Variants in THBS4 observed in about 807,000 individuals in gnomAD.
THBS4 encodes thrombospondin 4.
THBS4 carries 90 observed loss-of-function variants against 115.7 expected under a neutral mutation model. The observed-to-expected ratio is 0.78, with a 90% CI of 0.66 to 0.93. The LOEUF (loss-of-function observed/expected upper bound fraction) is 0.93, where lower values mean the gene tolerates loss of function less well. Among genes scored for constraint, THBS4 ranks in the 40% least tolerant of loss-of-function variants. The pLI is 0.00. For missense variants in THBS4, 1,087 were observed against 1,232.7 expected, an observed-to-expected ratio of 0.88 and a Z score of 1.77; for synonymous variants, 460 against 479.3, an observed-to-expected ratio of 0.96 and a Z score of 0.53.
intron 3 of THBS4, among the ~76,000 whole-genome samples, chr5:80,057,118 T>A (rs1833458766): frequency 2.0e-5 from 3 of 152,120 alleles, no homozygotes; most frequent in African/African-American, 7.2e-5. Flanking sequence ...TGGAAAAAAA[T>A]TAATAGAAAG....
chr5:80,071,737 G>A (rs1834068367), intron 13 of THBS4: 3 of 164,926 alleles, frequency 1.8e-5, no homozygotes, highest in Admixed American at 1.7e-4. Flanking sequence ...CTCACCTTCT[G>A]CAAGCCTAAC....
intron 8 of THBS4, among the ~76,000 whole-genome samples, chr5:80,064,211 A>G (rs1833732863): frequency 6.6e-6 from 1 of 152,250 alleles, no homozygotes; most frequent in Admixed American, 6.5e-5. Flanking sequence ...CACTTGTACC[A>G]CATACAGTTA....
intron 2 of THBS4, among the ~76,000 whole-genome samples, chr5:80,049,893 A>G (rs547061372): frequency 1.3e-5 from 2 of 152,228 alleles, no homozygotes; most frequent in Non-Finnish European, 2.9e-5. Flanking sequence ...GTCCGTGCAG[A>G]AAGAGACCTA....
intron 19 of THBS4, 59 bp downstream of exon 19, chr5:80,079,317 G>T: frequency 6.7e-7 from 1 of 1,503,432 alleles, no homozygotes; most frequent in East Asian, 2.3e-5. Flanking sequence ...TCTTTTTTCA[G>T]ATATTGTGTT....
chr5:80,024,817 C>T (rs188079491), intron 2 of THBS4, among the ~76,000 whole-genome samples: 67 of 152,306 alleles, frequency 4.4e-4, no homozygotes, highest in Non-Finnish European at 7.2e-4. Context: ...CCTCAATTCA[C>T]GTAGTGTGCC....
intron 2 of THBS4, among the ~76,000 whole-genome samples, chr5:80,023,275 G>C (rs906049400): frequency 6.6e-6 from 1 of 152,114 alleles, no homozygotes; most frequent in South Asian, 2.1e-4. Flanking sequence ...ATACCTAGCT[G>C]TACCTGCATA....
chr5:80,076,956 A>T lies in THBS4; in HGVS notation c.1994A>T (p.Asp665Val). 6.2e-7 allele frequency: 1 copy of T among 1,613,914 alleles called. No homozygotes were observed. The highest frequency in any genetic ancestry group is 8.5e-7 in the Non-Finnish European group (1 of 1,179,944). Residue 665 changes from aspartate (D) to valine (V), a missense_variant, in exon 16 of 22, where the codon GAT becomes GTT. Transcript: ENST00000350881. ...GATGGAATTGGTGACGAGTGTGATG[A>T]TGATGATGACAATGATGGTATCCCA... Reference protein sequence around the residue: ...DKDGIGDECDDDDDNDGIPDL... With the variant: ...DKDGIGDECDVDDDNDGIPDL...
At position 80,073,316 on chromosome 5, in the gene THBS4, C is replaced by A; in HGVS notation, c.1881C>A (p.Thr627=). The part of the protein sequence containing the change: ...DNDLVGDSCD[T]NQDSDGDGHQ... ...ATCTGGTTGGGGACTCCTGTGACACCAATCAGGACAGGTATGGCATGTCTC... is the reference window on the plus strand; with the variant it reads ...ATCTGGTTGGGGACTCCTGTGACACAAATCAGGACAGGTATGGCATGTCTC... The change falls in exon 15 of 22, where the codon ACC becomes ACA. Residue 627 remains threonine (T), a synonymous_variant. Coordinates refer to ENST00000350881, the MANE Select transcript of THBS4 (RefSeq NM_003248.6). 6.2e-7 allele frequency: 1 copy of A among 1,613,666 alleles called. No homozygotes were observed. The highest frequency in any genetic ancestry group is 8.5e-7 in the Non-Finnish European group (1 of 1,179,886).
chr5:80,037,134 T>C (rs568955356), intron 1 of THBS4, among the ~76,000 whole-genome samples: 3 of 152,296 alleles, frequency 2.0e-5, no homozygotes, highest in African/African-American at 7.2e-5. Context: ...ATAGGTATAA[T>C]TTTTTTGTGT....
At position 80,058,798 on chromosome 5, in the gene THBS4, G is replaced by A. The variant is rs778323256; in HGVS notation, c.732+8G>A. ...GACCTTCTGAGACAGCAGGTAACAA[G>A]CGGGACATATCATCAGAAAAGCCCT... On this transcript the variant is annotated splice_region_variant and intron_variant, in intron 5 of 21. Transcript: ENST00000350881. 76 of 1,612,714 alleles carry A rather than the reference G, an allele frequency of 4.7e-5. No individual in the cohort carries two copies. Among genetic ancestry groups the A allele is most frequent in the Non-Finnish European group, 6.2e-5 (73 of 1,179,284 alleles).
At chr5:80,029,022 G>C (rs1176460874) in intron 2 of THBS4, among the ~76,000 whole-genome samples, 3 of 152,128 alleles carry the variant, frequency 2.0e-5, no homozygotes, top group Non-Finnish European at 4.4e-5. Flanking sequence ...AGTTCTTTTA[G>C]TTAGGACAAA....
chr5:79,994,254 G>A (rs1245608981), intron 1 of THBS4, among the ~76,000 whole-genome samples: 1 of 152,076 alleles, frequency 6.6e-6, no homozygotes, highest in Non-Finnish European at 1.5e-5. Context: ...CTTGAAAATA[G>A]AAGAAAATAT....
chr5:80,066,624 A>C (rs1316640705), intron 9 of THBS4: 1 of 152,224 alleles, frequency 6.6e-6, no homozygotes, highest in Non-Finnish European at 1.5e-5. Context: ...AAAAAAAGAA[A>C]TGTTACGTAT....
chr5:79,991,953 C>T lies in THBS4; in HGVS notation n.81+541C>T, dbSNP rs367956587. On this transcript the variant is annotated intron_variant and non_coding_transcript_variant, in intron 1 of 3. Transcript: ENST00000510218. ...ACCTTTTGCCTTTCACAGAAGAGGG[C>T]TAGCTTCATAGGTTTGGGACCTGTG... is the stretch of plus-strand genomic sequence containing the variant. Among the ~76,000 whole-genome samples, 15 of 152,318 alleles carry T rather than the reference C, an allele frequency of 9.8e-5. No individual in the cohort carries two copies. In the South Asian group the frequency reaches 3.1e-3, roughly 32 times the overall value.
rs542381645 is a variant in THBS4 at position 80,083,217 on chromosome 5, T to C, written c.*76T>C. 5 of 1,309,080 alleles carry C rather than the reference T, an allele frequency of 3.8e-6. No homozygotes were observed. The highest frequency in any genetic ancestry group is 4.6e-5 in the East Asian group (2 of 43,448). 81.1% of individuals were successfully genotyped at this position (1,309,080 alleles called of 1,614,324 possible). On this transcript the variant is annotated 3_prime_UTR_variant, in exon 22 of 22. Transcript: ENST00000350881. ...TTTTAACTTCAATTTTCTTTAGCTT[T>C]TACCAACCCAAATATATCAAAACGT...
intron 20 of THBS4, chr5:80,082,015 CATGGT>C (rs1371848365): frequency 6.0e-6 from 1 of 165,396 alleles, no homozygotes; most frequent in Non-Finnish European, 1.3e-5. Flanking sequence ...AGTTTTTAAG[CATGGT>C]ATCTAGACAA....
chr5:80,045,950 G>A (rs1833053673), intron 2 of THBS4, among the ~76,000 whole-genome samples: 1 of 152,152 alleles, frequency 6.6e-6, no homozygotes, highest in Non-Finnish European at 1.5e-5. Context: ...AAGTGGTCAT[G>A]TGCAGAAGAT....
chr5:80,079,964 G>A lies in THBS4; in HGVS notation c.2571G>A (p.Gly857=). 1.9e-6 allele frequency: 3 copies of A among 1,614,116 alleles called. No homozygotes were observed. The highest frequency in any genetic ancestry group is 2.5e-6 in the Non-Finnish European group (3 of 1,180,022). Residue 857 remains glycine, a synonymous_variant, in exon 20 of 22, where the codon GGG becomes GGA. Coordinates refer to ENST00000350881, the MANE Select transcript of THBS4 (RefSeq NM_003248.6). The stretch of plus-strand genomic sequence containing the variant: ...TCCGGAACTCCCTGTGGCACACGGG[G>A]GACACCAGTGACCAGGTCAGGCTGC... ...EHLRNSLWHT[G]DTSDQVRLLW...
intron 4 of THBS4, among the ~76,000 whole-genome samples, 192 bp downstream of exon 4, chr5:80,058,506 C>T (rs554368987): frequency 2.0e-5 from 3 of 152,200 alleles, no homozygotes; most frequent in Non-Finnish European, 4.4e-5. Context: ...TTATGATTCA[C>T]ATGGAATTTA....
Sources: gnomAD v4.1 joint callset for allele counts (sites outside exome capture counted in the v4.1 genomes callset) on GRCh38, gnomAD v4.1.1 for gene constraint, MANE v1.5 for transcripts, NCBI Gene and HGNC (gene_info 2026-07-23, HGNC 2026-07-21) for gene names.